The following PLXNA4 variants were observed in gnomAD, a reference collection of about 807,000 sequenced individuals.
PLXNA4 encodes the protein plexin-A4.
PLXNA4 carries 44 observed loss-of-function variants against 191.8 expected under a neutral mutation model. The ratio of observed to expected loss-of-function variants is 0.23; its 90% CI spans 0.18 to 0.29. The LOEUF is 0.29. PLXNA4 is among the 10% of genes least tolerant of loss of function. The pLI is 1.00. For synonymous variants in PLXNA4, 1,082 were observed against 1,009.5 expected (o/e 1.07, Z -1.36); for missense variants, 1,800 against 2,488.8 (o/e 0.72, Z 5.89).
At chr7:132,209,059 T>G (rs1418518804) in intron 10 of PLXNA4, among the ~76,000 whole-genome samples, 1 of 152,236 alleles carries the variant, frequency 6.6e-6, no homozygotes, top group African/African-American at 2.4e-5. Context: ...AGCGAGCTTC[T>G]TGGAAGCTAA....
chr7:132,393,252 C>A (rs891703809), intron 3 of PLXNA4, among the ~76,000 whole-genome samples: 1 of 148,108 alleles, frequency 6.8e-6, no homozygotes, highest in African/African-American at 2.5e-5. Flanking sequence ...CTCTCCCACT[C>A]CCCATTCTAG....
chr7:132,309,425 A>G (rs1201067443), intron 3 of PLXNA4, among the ~76,000 whole-genome samples: 2 of 152,082 alleles, frequency 1.3e-5, no homozygotes, highest in Non-Finnish European at 2.9e-5. Flanking sequence ...GCAGGCCAGA[A>G]CCAGGACCGT....
intron 3 of PLXNA4, among the ~76,000 whole-genome samples, chr7:132,376,492 G>A (rs1804663236): frequency 6.6e-6 from 1 of 152,120 alleles, no homozygotes; most frequent in Non-Finnish European, 1.5e-5. Flanking sequence ...TTCAAACTCA[G>A]CAACTATAAA....
intron 12 of PLXNA4, 50 bp from the exon 13 acceptor site, chr7:132,198,686 C>T (rs955565976): frequency 6.2e-7 from 1 of 1,600,934 alleles, no homozygotes; most frequent in African/African-American, 1.3e-5. Flanking sequence ...TACTGCCACT[C>T]ACTTGCTGAT....
chr7:132,310,700 C>A (rs974840438), intron 3 of PLXNA4, among the ~76,000 whole-genome samples: 1 of 152,188 alleles, frequency 6.6e-6, no homozygotes, highest in Non-Finnish European at 1.5e-5. Flanking sequence ...AAATAAATAA[C>A]CCAGGGAGTG....
chr7:132,459,917 GC>G (rs1228530806), intron 3 of PLXNA4, among the ~76,000 whole-genome samples: 3 of 152,002 alleles, frequency 2.0e-5, no homozygotes, highest in Admixed American at 1.3e-4. Context: ...GTACAAGAGT[GC>G]CCCCACCCCG....
chr7:132,381,949 G>T (rs958334192), intron 3 of PLXNA4, among the ~76,000 whole-genome samples: 5 of 152,134 alleles, frequency 3.3e-5, no homozygotes, highest in Admixed American at 2.0e-4. Flanking sequence ...ATTCCCACCA[G>T]AACTGTTAGT....
Position 132,538,893 on chromosome 7 carries a change from T to C in PLXNA4, c.-86-30114A>G, listed in dbSNP as rs144285408. Among the ~76,000 whole-genome samples the C allele has an allele frequency of 7.5e-3, 1,137 of 152,290 alleles. 12 individuals carry two copies. Among genetic ancestry groups the C allele is most frequent in the Middle Eastern group, 0.014 (4 of 294 alleles). ...TTTCCTTGGCTCCTCTTTGACCAAG[T>C]TGACATTGTGAAAAGCAGAGAATGA... is the stretch of plus-strand genomic sequence containing the variant. On this transcript the variant is annotated intron_variant, in intron 1 of 31. Transcript: ENST00000321063.
Position 132,508,792 on chromosome 7 carries a change from A to T in PLXNA4, c.-86-13T>A. The T allele has an allele frequency of 7.0e-7, 1 of 1,436,054 alleles. No individual in the cohort carries two copies. The highest frequency in any genetic ancestry group is 1.4e-5 in the African/African-American group (1 of 69,770). 89.0% of individuals were successfully genotyped at this position (1,436,054 alleles called of 1,614,324 possible). On this transcript the variant is annotated splice_polypyrimidine_tract_variant and intron_variant, in intron 1 of 31. Transcript: ENST00000321063. The surrounding 1 kb of genome is among the most constrained non-coding windows in gnomAD (Gnocchi z 4.4). The stretch of plus-strand genomic sequence containing the variant: ...GCAGTCTCCCCTACTGGAGAAAGGG[A>T]AGACAATGAGCTGGATAACAATGCC...
intron 1 of PLXNA4, among the ~76,000 whole-genome samples, chr7:132,530,141 C>A (rs1430263443): frequency 6.6e-6 from 1 of 152,082 alleles, no homozygotes; most frequent in Non-Finnish European, 1.5e-5. Flanking sequence ...AGAGAGGAAG[C>A]ACAGGAGGAA....
chr7:132,255,119 T>C (rs772747244), intron 4 of PLXNA4, among the ~76,000 whole-genome samples: 11 of 152,102 alleles, frequency 7.2e-5, no homozygotes, highest in Non-Finnish European at 1.2e-4. Flanking sequence ...GCTCAGTAGA[T>C]GGAGAACCTG....
chr7:132,210,072 GC>G (rs1281716033), intron 10 of PLXNA4, among the ~76,000 whole-genome samples: 4 of 152,274 alleles, frequency 2.6e-5, no homozygotes, highest in African/African-American at 9.6e-5. Flanking sequence ...ATCTAGATCT[GC>G]CCCTGCTTCC....
chr7:132,434,749 G>A (rs1795403951), intron 3 of PLXNA4, among the ~76,000 whole-genome samples: 2 of 152,310 alleles, frequency 1.3e-5, no homozygotes, highest in South Asian at 4.1e-4. Flanking sequence ...GTGGAACGGT[G>A]AGCTCCACTT....
At chr7:132,638,224 C>T (rs1054022319) in intron 2 of PLXNA4, among the ~76,000 whole-genome samples, 3 of 152,252 alleles carry the variant, frequency 2.0e-5, no homozygotes, top group African/African-American at 2.4e-5. Flanking sequence ...GGGCAGCTCT[C>T]ATGCCAGGCA....
chr7:132,510,858 G>A (rs775492436), intron 1 of PLXNA4, among the ~76,000 whole-genome samples: 1 of 152,242 alleles, frequency 6.6e-6, no homozygotes, highest in Non-Finnish European at 1.5e-5. Flanking sequence ...GTTCATGAAT[G>A]AATCAGGTGG....
At chr7:132,452,615 G>C (rs906434231) in intron 3 of PLXNA4, among the ~76,000 whole-genome samples, 14 of 152,144 alleles carry the variant, frequency 9.2e-5, no homozygotes, top group African/African-American at 3.4e-4. Context: ...GCTCCCTGGG[G>C]GCCTGATACT....
chr7:132,170,398 C>G (rs1584790235), intron 21 of PLXNA4, among the ~76,000 whole-genome samples: 1 of 152,126 alleles, frequency 6.6e-6, no homozygotes, highest in South Asian at 2.1e-4. Flanking sequence ...CTCCAGGGAC[C>G]ATGATGTAAA....
At chr7:132,610,394 C>T (rs1377719083) in intron 2 of PLXNA4, among the ~76,000 whole-genome samples, 1 of 152,208 alleles carries the variant, frequency 6.6e-6, no homozygotes, top group Non-Finnish European at 1.5e-5. Flanking sequence ...TGCTGCTGCA[C>T]TGGCAGGCAT....
intron 4 of PLXNA4, among the ~76,000 whole-genome samples, chr7:132,289,108 C>G (rs1800789939): frequency 6.6e-6 from 1 of 152,208 alleles, no homozygotes; most frequent in African/African-American, 2.4e-5. Context: ...AAAAAACAAT[C>G]ACGATGCCTC....
Sources: gnomAD v4.1 joint callset for allele counts (sites outside exome capture counted in the v4.1 genomes callset) on GRCh38, gnomAD v4.1.1 for gene constraint, Gnocchi (gnomAD v3.1) non-coding constraint, MANE v1.5 for transcripts, NCBI Gene and HGNC (gene_info 2026-07-23, HGNC 2026-07-21) for gene names.